Variants in LIPF observed in about 807,000 individuals in gnomAD.
LIPF encodes lipase F, gastric type.
Under a neutral mutation model 38.0 loss-of-function variants are expected in LIPF, and 25 were observed. The observed-to-expected ratio is 0.66, with a 90% confidence interval of 0.48 to 0.92. The LOEUF (loss-of-function observed/expected upper bound fraction) is 0.92, where lower values mean the gene tolerates loss of function less well. Ranked by LOEUF, LIPF falls within the 40% of genes least tolerant of loss-of-function variation. LIPF has a pLI of 0.00. For missense variants in LIPF, 410 were observed against 469.9 expected (o/e 0.87, Z 1.18); for synonymous variants, 161 against 156.2 (o/e 1.03, Z -0.23).
chr10:88,672,601 C>G (rs1841616391), intron 6 of LIPF, among the ~76,000 whole-genome samples: 1 of 150,400 alleles, frequency 6.6e-6, no homozygotes, highest in Admixed American at 6.7e-5. Flanking sequence ...GCTTAATACC[C>G]TAATTCTCTC....
At chr10:88,670,389 T>G (rs1449184213) in intron 5 of LIPF, among the ~76,000 whole-genome samples, 1 of 152,208 alleles carries the variant, frequency 6.6e-6, no homozygotes, top group Non-Finnish European at 1.5e-5. Flanking sequence ...TAAAATGTAA[T>G]ATATTTTAGA....
chr10:88,671,697 T>G lies in LIPF; in HGVS notation c.533-132T>G, dbSNP rs977104613. 1.1e-5 allele frequency: 13 copies of G among 1,216,410 alleles called. No homozygotes were observed. In the African/African-American group the frequency reaches 2.0e-4, roughly 19 times the overall value. The allele number at this position is 1,216,410 out of a possible 1,614,324, so 75.4% of individuals were successfully genotyped here. A position where few individuals can be genotyped will look rare whatever the true frequency, so the allele number is the denominator to read the frequency against. ...AATCTAATCACTGAGCCAGCAGAGA[T>G]GCCAATTTCTCAGGCTGTCTCAAAC... On this transcript the variant is annotated intron_variant, in intron 5 of 9. Coordinates refer to ENST00000238983, the MANE Select transcript of LIPF (RefSeq NM_004190.4).
At position 88,671,949 on chromosome 10, in the gene LIPF, C is replaced by G; in HGVS notation, c.653C>G (p.Pro218Arg). The change falls in exon 6 of 10, where the codon CCT (proline) becomes CGT (arginine). Residue 218 changes from proline (P) to arginine (R), a missense_variant. Transcript: ENST00000238983. ...KSLINKLRFV[P>R]QSLFKFIFGD... ...CTTATAAACAAACTTAGATTTGTTCCTCAATCCCTCTTCAAGGTATGCAAT... is the reference window on the plus strand; with the variant it reads ...CTTATAAACAAACTTAGATTTGTTCGTCAATCCCTCTTCAAGGTATGCAAT... The G allele has an allele frequency of 6.2e-7, 1 of 1,610,618 alleles. No homozygotes were observed. Among genetic ancestry groups the G allele is most frequent in the East Asian group, 2.2e-5 (1 of 44,758 alleles).
In LIPF at chr10:88,668,595, TGC is replaced by T; in HGVS notation, c.262_263del (p.Ala88IlefsTer24). 8 of 1,614,202 alleles carry T rather than the reference TGC, an allele frequency of 5.0e-6. No individual in the cohort carries two copies. Among genetic ancestry groups the T allele is most frequent in the Non-Finnish European group, 6.8e-6 (8 of 1,180,014 alleles). On this transcript the variant is annotated frameshift_variant, in exon 4 of 10. Coordinates refer to ENST00000238983, the MANE Select transcript of LIPF (RefSeq NM_004190.4). LOFTEE classifies it high-confidence loss of function. ...PVVFLQHGLL[A>X]SATNWISNLP... ...TTGTGTTTTTGCAGCATGGTTTGCT[TGC>T]ATCAGCCACAAACTGGATTTCCAAC...
chr10:88,667,663 G>A lies in LIPF; in HGVS notation c.200G>A (p.Gly67Glu). The A allele has an allele frequency of 6.5e-7, 1 of 1,532,812 alleles. No individual in the cohort carries two copies. Among genetic ancestry groups the A allele is most frequent in the Admixed American group, 1.7e-5 (1 of 59,506 alleles). The allele number at this position is 1,532,812 out of a possible 1,614,324, so 95.0% of individuals were successfully genotyped here. ...CTTGAAGTCAATAGAATTCCTTATG[G>A]GAAGAAAAATTCAGGGAATACAGGT... is the stretch of plus-strand genomic sequence containing the variant. ...YILEVNRIPY[G>E]KKNSGNTGQR... is the part of the protein sequence containing the mutation. The change falls in exon 3 of 10, where the codon GGG becomes GAG. Residue 67 changes from glycine to glutamate, a missense_variant. Transcript: ENST00000238983.
At chr10:88,673,303 A>G (rs1841632318) in intron 6 of LIPF, among the ~76,000 whole-genome samples, 1 of 152,168 alleles carries the variant, frequency 6.6e-6, no homozygotes, top group African/African-American at 2.4e-5. Context: ...CACAACTCCT[A>G]TCACCCCAAC....
In LIPF at chr10:88,665,511, C is replaced by T. The variant is rs565571409; in HGVS notation, c.-12+1020C>T. 10 of 1,531,512 alleles carry T rather than the reference C, an allele frequency of 6.5e-6. 1 individual carries two copies. In the South Asian group the frequency reaches 9.5e-5, roughly 15 times the overall value. The allele number at this position is 1,531,512 out of a possible 1,614,324, so 94.9% of individuals were successfully genotyped here. ...CAACAAGCATTTTGAGAAATTTATT[C>T]TGCCCTTGAACATCTTTGAGCCCAT... On this transcript the variant is annotated intron_variant, in intron 1 of 9. Transcript: ENST00000238983.
intron 5 of LIPF, 45 bp from the exon 6 acceptor site, chr10:88,671,784 A>AAC (rs757997464): frequency 3.9e-5 from 61 of 1,555,422 alleles, no homozygotes; most frequent in South Asian, 1.0e-4. Context: ...CAACAACAAC[A>AAC]ACACACACAC....
rs766086484 is a variant in LIPF at position 88,675,568 on chromosome 10, G to T, written c.817-18G>T. ...GTGTCTTAGTATGTATATAATATGT[G>T]TGTCTGTTGATTTCTAGAGTCGCTT... On this transcript the variant is annotated intron_variant, in intron 7 of 9. Transcript: ENST00000238983. The T allele has an allele frequency of 6.3e-7, 1 of 1,577,728 alleles. No homozygotes were observed. Among genetic ancestry groups the T allele is most frequent in the South Asian group, 1.1e-5 (1 of 90,220 alleles).
rs1841639902 is a variant in LIPF, at chr10:88,673,678, CTT to C, written c.762_763del (p.Cys255GlnfsTer11). The C allele has an allele frequency of 1.9e-6, 3 of 1,612,306 alleles. No individual in the cohort carries two copies. The East Asian group carries it at 6.7e-5, about 36-fold the overall frequency. On this transcript the variant is annotated frameshift_variant, in exon 7 of 10. Transcript: ENST00000238983. LOFTEE classifies it high-confidence loss of function. ...EVCSREMLNLLCSNALFIICG... is the reference protein window; with the variant it reads ...EVCSREMLNLXCSNALFIICG... ...GTGCTCCCGTGAGATGCTGAATCTC[CTT>C]TGCAGCAATGCCTTATTTATAATTT...
chr10:88,675,419 C>A, intron 7 of LIPF, 167 bp from the exon 8 acceptor site: 1 of 583,262 alleles, frequency 1.7e-6, no homozygotes. Context: ...CATGCAATTG[C>A]ACTTTGCAAA....
chr10:88,676,135 C>A, intron 8 of LIPF, 74 bp from the exon 9 acceptor site: 2 of 857,580 alleles, frequency 2.3e-6, no homozygotes, highest in South Asian at 1.8e-5. Flanking sequence ...AAATAAACTG[C>A]TTGGAAATGT....
chr10:88,673,538 T>C (rs1373950579), intron 6 of LIPF, 50 bp from the exon 7 acceptor site: 1 of 1,455,324 alleles, frequency 6.9e-7, no homozygotes, highest in South Asian at 1.3e-5. Flanking sequence ...TAGTGAGTCT[T>C]TTCTGCAGCT....
At chr10:88,669,795 C>T (rs1183581277) in intron 4 of LIPF, 42 bp from the exon 5 acceptor site, 2 of 1,339,660 alleles carry the variant, frequency 1.5e-6, no homozygotes, top group African/African-American at 2.9e-5. Context: ...GAAACAATAG[C>T]AAGGAAATGT....
intron 3 of LIPF, 46 bp from the exon 4 acceptor site, chr10:88,668,512 G>C: frequency 6.5e-7 from 1 of 1,545,428 alleles, no homozygotes. Flanking sequence ...ATTTATCCTA[G>C]AATAAGGAAT....
intron 7 of LIPF, among the ~76,000 whole-genome samples, chr10:88,674,447 C>A (rs1012640775): frequency 5.9e-5 from 9 of 152,092 alleles, no homozygotes; most frequent in African/African-American, 2.2e-4. Flanking sequence ...GGATTACAGG[C>A]GTGAGCCACC....
intron 8 of LIPF, among the ~76,000 whole-genome samples, 189 bp downstream of exon 8, chr10:88,675,846 ATTATAC>A (rs1285236628): frequency 6.6e-6 from 1 of 152,144 alleles, no homozygotes; most frequent in Non-Finnish European, 1.5e-5. Context: ...TTTTATTATT[ATTATAC>A]TTTAAGTTTT....
chr10:88,675,530 A>T, intron 7 of LIPF, 56 bp from the exon 8 acceptor site: 1 of 1,284,818 alleles, frequency 7.8e-7, no homozygotes. Context: ...ACTGTTTTTA[A>T]GAAACTGAGT....
chr10:88,673,620 CA>C lies in LIPF; in HGVS notation c.704del (p.Asn235ThrfsTer17). On this transcript the variant is annotated frameshift_variant, in exon 7 of 10. Transcript: ENST00000238983. LOFTEE classifies it high-confidence loss of function. ...IFGDKIFYPH[N>X]FFDQFLATEV... ...TTGGTGACAAAATATTCTACCCACA[CA>C]ACTTCTTTGATCAATTTCTTGCTAC... 1.2e-6 allele frequency: 2 copies of C among 1,611,976 alleles called. No individual in the cohort carries two copies. The highest frequency in any genetic ancestry group is 1.7e-6 in the Non-Finnish European group (2 of 1,178,352).
Sources: allele counts gnomAD v4.1 joint callset (sites outside exome capture counted in the v4.1 genomes callset), GRCh38; gene constraint gnomAD v4.1.1; transcripts MANE v1.5; gene names NCBI Gene and HGNC (gene_info 2026-07-23, HGNC 2026-07-21).